The following NLRC5 variants were observed in gnomAD, a reference collection of about 807,000 sequenced individuals.
NLRC5 encodes protein NLRC5.
A neutral mutation model predicts 206.9 loss-of-function variants in NLRC5; 114 were observed. The ratio of observed to expected loss-of-function variants is 0.55; its 90% CI spans 0.47 to 0.64. The LOEUF is 0.64. Ranked by LOEUF, NLRC5 falls within the 30% of genes least tolerant of loss-of-function variation. NLRC5 has a pLI of 0.00. For missense variants in NLRC5, 2,008 were observed against 2,305.5 expected, an observed-to-expected ratio of 0.87 and a Z score of 2.64; for synonymous variants, 952 against 962.8, an observed-to-expected ratio of 0.99 and a Z score of 0.21.
intron 1 of NLRC5, chr16:57,013,871 C>T (rs117923685): frequency 1.8e-4 from 116 of 634,706 alleles, no homozygotes; most frequent in Non-Finnish European, 3.0e-4. Flanking sequence ...TGGCAAGCCA[C>T]ACTATTTTAT....
At chr16:57,047,915 C>T (rs1482387233) in intron 23 of NLRC5, 1 of 466,704 alleles carries the variant, frequency 2.1e-6, no homozygotes, top group Non-Finnish European at 3.9e-6. Flanking sequence ...CCACCTCCAA[C>T]CCCACCCCTG....
chr16:57,051,174 C>A (rs762231708), intron 23 of NLRC5, among the ~76,000 whole-genome samples: 3 of 152,088 alleles, frequency 2.0e-5, no homozygotes, highest in Non-Finnish European at 4.4e-5. Context: ...CTTTTCTTAA[C>A]AAACATGTTT....
chr16:57,038,196 A>G (rs2062843442), intron 15 of NLRC5, among the ~76,000 whole-genome samples: 1 of 152,118 alleles, frequency 6.6e-6, no homozygotes, highest in African/African-American at 2.4e-5. Context: ...GAACCATAGA[A>G]AAAAAAATGA....
intron 1 of NLRC5, among the ~76,000 whole-genome samples, chr16:56,992,872 T>A (rs865864068): frequency 1.5e-4 from 21 of 139,882 alleles, no homozygotes; most frequent in South Asian, 2.2e-4. Context: ...GGAAATTAAA[T>A]CTTATTATAT....
intron 24 of NLRC5, among the ~76,000 whole-genome samples, chr16:57,051,845 CA>C (rs1347202027): frequency 1.1e-4 from 17 of 152,180 alleles, no homozygotes; most frequent in African/African-American, 3.6e-4. Context: ...TTGTCAACCT[CA>C]GGGGGCGTCG....
chr16:57,080,030 C>T (rs1229404372), intron 46 of NLRC5, among the ~76,000 whole-genome samples: 1 of 152,078 alleles, frequency 6.6e-6, no homozygotes, highest in African/African-American at 2.4e-5. Flanking sequence ...GAGAAAGCCA[C>T]CCCCAGACCT....
intron 1 of NLRC5, among the ~76,000 whole-genome samples, chr16:56,992,661 C>T (rs1319036088): frequency 6.6e-6 from 1 of 151,532 alleles, no homozygotes; most frequent in African/African-American, 2.4e-5. Context: ...ATTTTTAGTA[C>T]AGACAGGATT....
chr16:56,996,584 T>A (rs1317474078), intron 1 of NLRC5, among the ~76,000 whole-genome samples: 1 of 152,106 alleles, frequency 6.6e-6, no homozygotes, highest in East Asian at 1.9e-4. Flanking sequence ...TTTAAGGAAA[T>A]GGTGTTCTGG....
chr16:57,050,915 C>T (rs566066918), intron 23 of NLRC5, among the ~76,000 whole-genome samples: 3 of 152,182 alleles, frequency 2.0e-5, no homozygotes, highest in Non-Finnish European at 2.9e-5. Flanking sequence ...TGCAGTGGTA[C>T]GATCTTGGCT....
chr16:57,025,217 C>A, intron 5 of NLRC5, 151 bp from the exon 6 acceptor site: 1 of 1,317,384 alleles, frequency 7.6e-7, no homozygotes, highest in Non-Finnish European at 1.0e-6. Flanking sequence ...TGGCACAGAT[C>A]CCCCTATGGT....
At chr16:57,039,704 G>T in intron 15 of NLRC5, 77 bp from the exon 16 acceptor site, 1 of 1,344,750 alleles carries the variant, frequency 7.4e-7, no homozygotes. Context: ...GCAACAGACT[G>T]AGACCTTCTC....
chr16:57,039,631 T>C, intron 15 of NLRC5, 150 bp from the exon 16 acceptor site: 2 of 689,116 alleles, frequency 2.9e-6, no homozygotes, highest in Non-Finnish European at 5.1e-6. Flanking sequence ...GTGGGAGGAT[T>C]GCTTGAGCCC....
intron 1 of NLRC5, among the ~76,000 whole-genome samples, chr16:57,015,082 C>G (rs1337136575): frequency 6.6e-6 from 1 of 152,124 alleles, no homozygotes; most frequent in Non-Finnish European, 1.5e-5. Flanking sequence ...GTGCCTGCCA[C>G]CATGCCTGAC....
chr16:57,048,846 A>G (rs1430009835), intron 23 of NLRC5, among the ~76,000 whole-genome samples: 1 of 152,078 alleles, frequency 6.6e-6, no homozygotes, highest in Non-Finnish European at 1.5e-5. Context: ...GACCTACCCT[A>G]TTAATGGCAA....
intron 1 of NLRC5, among the ~76,000 whole-genome samples, chr16:56,995,352 C>T (rs2057471247): frequency 6.6e-6 from 1 of 152,236 alleles, no homozygotes; most frequent in Non-Finnish European, 1.5e-5. Flanking sequence ...GGAAGGGCTG[C>T]TCCCGCTGAC....
Position 57,006,500 on chromosome 16 carries a change from C to T in NLRC5, c.-127-10574C>T, listed in dbSNP as rs2058934056. ...GTGGCACTATCTCAGCTTACCTCAA[C>T]CTCCCGGGCTCAAGTGATCCTCCCA... is the stretch of plus-strand genomic sequence containing the variant. On this transcript the variant is annotated intron_variant, in intron 1 of 48. Coordinates refer to ENST00000688547, the MANE Select transcript of NLRC5 (RefSeq NM_001384950.1). Among the ~76,000 whole-genome samples, 3 of 145,056 alleles carry T rather than the reference C, an allele frequency of 2.1e-5. No individual in the cohort carries two copies. In the South Asian group the frequency reaches 6.6e-4, roughly 32 times the overall value.
chr16:57,035,662 C>T (rs1246699112), intron 13 of NLRC5, among the ~76,000 whole-genome samples: 1 of 152,238 alleles, frequency 6.6e-6, no homozygotes, highest in Non-Finnish European at 1.5e-5. Context: ...CCATCCCCGA[C>T]TCCCAGACTA....
chr16:57,043,792 G>A, intron 20 of NLRC5, 188 bp downstream of exon 20: 1 of 621,714 alleles, frequency 1.6e-6, no homozygotes, highest in Non-Finnish European at 2.9e-6. Flanking sequence ...GAATGAATAA[G>A]TATGGCCTCA....
chr16:56,997,370 A>G (rs1346166617), intron 1 of NLRC5, among the ~76,000 whole-genome samples: 1 of 152,104 alleles, frequency 6.6e-6, no homozygotes, highest in Non-Finnish European at 1.5e-5. Context: ...CGGACTGGAC[A>G]TGTCCCCTCC....
Sources: gnomAD v4.1 joint callset for allele counts (sites outside exome capture counted in the v4.1 genomes callset) on GRCh38, gnomAD v4.1.1 for gene constraint, MANE v1.5 for transcripts, NCBI Gene and HGNC (gene_info 2026-07-23, HGNC 2026-07-21) for gene names.